The following CNTN5 variants were observed in gnomAD, a reference collection of about 807,000 sequenced individuals.
The protein encoded by CNTN5 is contactin 5, also known as contactin-5.
CNTN5 carries 77 observed loss-of-function variants against 129.1 expected under a neutral mutation model. The observed-to-expected ratio is 0.60, with a 90% CI of 0.50 to 0.72. CNTN5 has a LOEUF of 0.72. Ranked by LOEUF, CNTN5 falls within the 30% of genes least tolerant of loss-of-function variation. CNTN5 has a pLI of 0.00. For synonymous variants in CNTN5, 509 were observed against 465.6 expected (o/e 1.09, Z -1.20); for missense variants, 1,478 against 1,328.8 (o/e 1.11, Z -1.75).
At chr11:99,521,963 G>A (rs1947291369) in intron 2 of CNTN5, among the ~76,000 whole-genome samples, 1 of 152,084 alleles carries the variant, frequency 6.6e-6, no homozygotes, top group Non-Finnish European at 1.5e-5. Context: ...GTTTCCTTCT[G>A]CAAGTAGTCT....
chr11:99,503,447 C>T (rs1946499708), intron 2 of CNTN5, among the ~76,000 whole-genome samples: 1 of 152,170 alleles, frequency 6.6e-6, no homozygotes, highest in Non-Finnish European at 1.5e-5. Flanking sequence ...TCATTTGTTT[C>T]TCAACCACCT....
At chr11:99,665,728 C>A (rs991344610) in intron 3 of CNTN5, among the ~76,000 whole-genome samples, 1 of 151,982 alleles carries the variant, frequency 6.6e-6, no homozygotes, top group African/African-American at 2.4e-5. Flanking sequence ...CTCAAGTGAT[C>A]AGTCTGCCTT....
chr11:99,644,628 C>A (rs1951884660), intron 3 of CNTN5, among the ~76,000 whole-genome samples: 1 of 151,916 alleles, frequency 6.6e-6, no homozygotes, highest in African/African-American at 2.4e-5. Context: ...TCAAAATTGG[C>A]CATTTAAAAC....
intron 3 of CNTN5, among the ~76,000 whole-genome samples, chr11:99,732,666 A>C (rs1943574243): frequency 6.6e-6 from 1 of 152,176 alleles, no homozygotes; most frequent in African/African-American, 2.4e-5. Context: ...CTTAGCGCTT[A>C]AGCCCATGTT....
chr11:99,960,120 G>C (rs1176913900), intron 8 of CNTN5, among the ~76,000 whole-genome samples: 1 of 151,978 alleles, frequency 6.6e-6, no homozygotes, highest in East Asian at 1.9e-4. Context: ...TGCACGTCTT[G>C]GTTACTCAAG....
intron 1 of CNTN5, among the ~76,000 whole-genome samples, chr11:99,285,575 A>G (rs552954931): frequency 1.3e-5 from 2 of 150,052 alleles, no homozygotes; most frequent in East Asian, 3.9e-4. Flanking sequence ...CAAGGAGGAG[A>G]AGAACATTCA....
chr11:99,514,561 C>T (rs1278953196), intron 2 of CNTN5, among the ~76,000 whole-genome samples: 1 of 152,028 alleles, frequency 6.6e-6, no homozygotes, highest in Non-Finnish European at 1.5e-5. Flanking sequence ...CTAATCTTGT[C>T]ATCCAGAACC....
At chr11:100,110,812 T>TTGTGCCACAACA (rs1945632265) in intron 13 of CNTN5, among the ~76,000 whole-genome samples, 1 of 152,156 alleles carries the variant, frequency 6.6e-6, no homozygotes, top group Non-Finnish European at 1.5e-5. Flanking sequence ...CAGTGAAATG[T>TTGTGCCACAACA]GGGATTGATG....
At chr11:99,592,324 A>C (rs1262189298) in intron 3 of CNTN5, among the ~76,000 whole-genome samples, 1 of 152,204 alleles carries the variant, frequency 6.6e-6, no homozygotes, top group Non-Finnish European at 1.5e-5. Context: ...AAGTTTAAAC[A>C]ATGTCCGGGG....
chr11:99,275,745 T>C (rs1294308124), intron 1 of CNTN5, among the ~76,000 whole-genome samples: 1 of 151,596 alleles, frequency 6.6e-6, no homozygotes, highest in Non-Finnish European at 1.5e-5. Context: ...TAGAATGTGG[T>C]TGGATTTATG....
chr11:99,183,643 C>T (rs1374556103), intron 1 of CNTN5, among the ~76,000 whole-genome samples: 2 of 152,074 alleles, frequency 1.3e-5, no homozygotes, highest in East Asian at 3.9e-4. Flanking sequence ...TTCTCCAAAG[C>T]TCTATCCTCG....
chr11:99,796,926 AGTTGTGAGGGCAG>A (rs1945962960), intron 3 of CNTN5, among the ~76,000 whole-genome samples: 1 of 152,038 alleles, frequency 6.6e-6, no homozygotes, highest in Admixed American at 6.6e-5. Context: ...TCCAGGGGTC[AGTTGTGAGGGCAG>A]GCTGCTCCTC....
At chr11:99,451,499 T>C (rs193096346) in intron 2 of CNTN5, among the ~76,000 whole-genome samples, 2 of 152,304 alleles carry the variant, frequency 1.3e-5, no homozygotes, top group Non-Finnish European at 2.9e-5. Context: ...TTTCAAATAA[T>C]GTTATCAAAT....
chr11:99,247,637 G>T (rs1861881677), intron 1 of CNTN5, among the ~76,000 whole-genome samples: 2 of 151,850 alleles, frequency 1.3e-5, no homozygotes, highest in Non-Finnish European at 2.9e-5. Flanking sequence ...ACAGGCCCTG[G>T]TGTGTGATGT....
chr11:99,623,611 A>T (rs1024445057), intron 3 of CNTN5, among the ~76,000 whole-genome samples: 1 of 152,062 alleles, frequency 6.6e-6, no homozygotes, highest in African/African-American at 2.4e-5. Context: ...CCACAAACCC[A>T]GGGTCTCGGG....
chr11:99,664,402 G>A (rs1277133948), intron 3 of CNTN5, among the ~76,000 whole-genome samples: 1 of 152,082 alleles, frequency 6.6e-6, no homozygotes, highest in Non-Finnish European at 1.5e-5. Flanking sequence ...TTCCCCACCA[G>A]TAGAGTAGAG....
intron 3 of CNTN5, among the ~76,000 whole-genome samples, chr11:99,749,054 C>G (rs1318619231): frequency 1.3e-5 from 2 of 152,154 alleles, no homozygotes; most frequent in African/African-American, 4.8e-5. Flanking sequence ...TTATCATTAG[C>G]ATGTGTATTC....
intron 2 of CNTN5, among the ~76,000 whole-genome samples, chr11:99,454,555 A>G (rs762208456): frequency 6.6e-6 from 1 of 151,984 alleles, no homozygotes; most frequent in African/African-American, 2.4e-5. Context: ...TTTCCTCTTG[A>G]TCAGTAGTCC....
chr11:99,626,066 G>A (rs983263644), intron 3 of CNTN5, among the ~76,000 whole-genome samples: 4 of 151,996 alleles, frequency 2.6e-5, no homozygotes, highest in Non-Finnish European at 2.9e-5. Context: ...GAGGGAGGCC[G>A]TGAAGGACAC....
Sources: allele counts gnomAD v4.1 joint callset (sites outside exome capture counted in the v4.1 genomes callset), GRCh38; gene constraint gnomAD v4.1.1; transcripts MANE v1.5; gene names NCBI Gene and HGNC (gene_info 2026-07-23, HGNC 2026-07-21).